MEGF11: variants seen among roughly 807,000 people sequenced by gnomAD.
The protein encoded by MEGF11 is multiple EGF like domains 11.
In MEGF11, 126 loss-of-function variants were observed where a neutral mutation model predicts 146.6. The observed-to-expected ratio is 0.86, with a 90% CI of 0.74 to 1.00. The LOEUF (loss-of-function observed/expected upper bound fraction) is 1.00. Among genes scored for constraint, MEGF11 ranks in the 50% least tolerant of loss-of-function variants. The pLI is 0.00. For missense variants in MEGF11, 1,509 were observed against 1,521.2 expected (o/e 0.99, Z 0.13); for synonymous variants, 532 against 583.4 (o/e 0.91, Z 1.27).
intron 5 of MEGF11, among the ~76,000 whole-genome samples, chr15:66,028,379 C>G (rs990377266): frequency 6.6e-6 from 1 of 152,142 alleles, no homozygotes; most frequent in African/African-American, 2.4e-5. Flanking sequence ...TTTAGGGAAA[C>G]AAATAACATG....
intron 5 of MEGF11, among the ~76,000 whole-genome samples, chr15:65,996,983 G>A: frequency 6.6e-6 from 1 of 152,332 alleles, no homozygotes; most frequent in East Asian, 1.9e-4. Context: ...CTTCACATGG[G>A]CCCCACCTAT....
intron 1 of MEGF11, among the ~76,000 whole-genome samples, chr15:66,129,953 G>A (rs1451420735): frequency 6.6e-6 from 1 of 152,110 alleles, no homozygotes; most frequent in Non-Finnish European, 1.5e-5. Flanking sequence ...TCAGAAAGAG[G>A]GGAGCGATTC....
chr15:66,246,879 G>T (rs775370233), intron 1 of MEGF11, among the ~76,000 whole-genome samples: 1 of 152,112 alleles, frequency 6.6e-6, no homozygotes, highest in Admixed American at 6.5e-5. Context: ...AGATTGATGC[G>T]TGATCCAGGA....
Position 66,192,769 on chromosome 15 carries a change from C to A in MEGF11, c.-9+60836G>T, listed in dbSNP as rs556977102. Among the ~76,000 whole-genome samples, 7 of 152,320 alleles carry A rather than the reference C, an allele frequency of 4.6e-5. No homozygotes were observed. In the East Asian group the frequency reaches 1.2e-3, roughly 25 times the overall value. ...ATGAGGAGCCAGCATTACTGTGAAT[C>A]TGATTCACCTAAAATCATCAGCTAA... On this transcript the variant is annotated intron_variant, in intron 1 of 25. Coordinates refer to ENST00000395614, the MANE Select transcript of MEGF11 (RefSeq NM_001385028.1).
intron 5 of MEGF11, among the ~76,000 whole-genome samples, chr15:66,036,856 G>A (rs2083745053): frequency 5.3e-5 from 8 of 152,144 alleles, no homozygotes; most frequent in Admixed American, 5.2e-4. Flanking sequence ...CATTAACTGG[G>A]ATAACAAGCG....
intron 13 of MEGF11, among the ~76,000 whole-genome samples, chr15:65,926,813 A>G (rs1057217791): frequency 1.3e-5 from 2 of 152,336 alleles, no homozygotes; most frequent in East Asian, 1.9e-4. Context: ...GGCTCACTCA[A>G]AATTAAGGCA....
rs143482551 is a variant in MEGF11 at position 65,938,625 on chromosome 15, T to C, written c.1288-7682A>G. 6.3e-3 allele frequency among the ~76,000 whole-genome samples: 959 copies of C among 152,296 alleles called. 4 individuals are homozygous for C. The highest frequency in any genetic ancestry group is 0.011 in the Non-Finnish European group (724 of 68,020). On this transcript the variant is annotated intron_variant, in intron 10 of 25. Coordinates refer to ENST00000395614, the MANE Select transcript of MEGF11 (RefSeq NM_001385028.1). ...ATGCCTGCCAGTCCTGTTCAGCATCTTTTTTCTGTGAATGCAGAATGAATG... is the reference window on the plus strand; with the variant it reads ...ATGCCTGCCAGTCCTGTTCAGCATCCTTTTTCTGTGAATGCAGAATGAATG...
At chr15:66,091,628 C>A (rs143764979) in intron 5 of MEGF11, among the ~76,000 whole-genome samples, 26 of 152,284 alleles carry the variant, frequency 1.7e-4, no homozygotes, top group African/African-American at 5.8e-4. Flanking sequence ...GGATAAATAA[C>A]AATTCCCATA....
intron 1 of MEGF11, among the ~76,000 whole-genome samples, chr15:66,247,481 A>G (rs2092311667): frequency 6.6e-6 from 1 of 152,142 alleles, no homozygotes; most frequent in Admixed American, 6.5e-5. Context: ...ATTCAAACCC[A>G]TGTCTTGAGC....
rs186268055 is a variant in MEGF11 at position 66,008,107 on chromosome 15, G to T, written c.395-25619C>A. ...GGTCATCAACTCAGAGGCTGTTGAG[G>T]TAACAGGAACCACACACTTCACTGT... On this transcript the variant is annotated intron_variant, in intron 5 of 25. Transcript: ENST00000395614. Among the ~76,000 whole-genome samples, 396 of 152,308 alleles carry T rather than the reference G, an allele frequency of 2.6e-3. 1 individual carries two copies. Among genetic ancestry groups the T allele is most frequent in the African/African-American group, 9.2e-3 (383 of 41,552 alleles).
At chr15:66,125,966 C>A (rs1048753575) in intron 2 of MEGF11, among the ~76,000 whole-genome samples, 13 of 152,172 alleles carry the variant, frequency 8.5e-5, no homozygotes, top group African/African-American at 1.4e-4. Context: ...GGCAACCAGG[C>A]CTCGTACCAA....
intron 1 of MEGF11, among the ~76,000 whole-genome samples, chr15:66,146,374 C>G (rs995368380): frequency 3.3e-5 from 5 of 152,244 alleles, no homozygotes; most frequent in African/African-American, 9.6e-5. Flanking sequence ...TACATTTCTT[C>G]TAGACAACAG....
intron 9 of MEGF11, among the ~76,000 whole-genome samples, chr15:65,960,250 C>T (rs910033299): frequency 1.2e-4 from 18 of 152,230 alleles, no homozygotes; most frequent in African/African-American, 3.9e-4. Flanking sequence ...TATTCCCTAA[C>T]TTACCAAAAC....
intron 5 of MEGF11, among the ~76,000 whole-genome samples, chr15:65,985,620 AGCC>A (rs2081829043): frequency 6.6e-6 from 1 of 152,246 alleles, no homozygotes; most frequent in Non-Finnish European, 1.5e-5. Context: ...AAGCAAAACT[AGCC>A]GCCTGATAAG....
At chr15:66,236,752 C>A (rs1043723683) in intron 1 of MEGF11, among the ~76,000 whole-genome samples, 1 of 152,148 alleles carries the variant, frequency 6.6e-6, no homozygotes, top group Non-Finnish European at 1.5e-5. Flanking sequence ...CTGTCCCCAC[C>A]TCCTGCCCCT....
chr15:66,012,305 G>T (rs2082733142), intron 5 of MEGF11, among the ~76,000 whole-genome samples: 2 of 152,214 alleles, frequency 1.3e-5, no homozygotes, highest in South Asian at 4.1e-4. Flanking sequence ...TGGGTGAAAT[G>T]CTTCTTGAGG....
chr15:65,921,395 C>T (rs1162597489), intron 15 of MEGF11, among the ~76,000 whole-genome samples: 5 of 152,226 alleles, frequency 3.3e-5, no homozygotes, highest in Admixed American at 2.6e-4. Flanking sequence ...TTCCCACCCC[C>T]AGCTACCATA....
chr15:66,065,320 C>T (rs2085078332), intron 5 of MEGF11, among the ~76,000 whole-genome samples: 1 of 151,786 alleles, frequency 6.6e-6, no homozygotes, highest in Non-Finnish European at 1.5e-5. Flanking sequence ...AAAAAAGATC[C>T]AGTTTATCTC....
chr15:66,039,085 T>C (rs1597017167), intron 5 of MEGF11, among the ~76,000 whole-genome samples: 1 of 151,968 alleles, frequency 6.6e-6, no homozygotes, highest in African/African-American at 2.4e-5. Flanking sequence ...AAAGGAGAAA[T>C]GAATGATAAA....
Sources: gnomAD v4.1 joint callset for allele counts (sites outside exome capture counted in the v4.1 genomes callset) on GRCh38, gnomAD v4.1.1 for gene constraint, MANE v1.5 for transcripts, NCBI Gene and HGNC (gene_info 2026-07-23, HGNC 2026-07-21) for gene names.